The following UNC80 variants were observed in gnomAD, a reference collection of about 807,000 sequenced individuals.
The protein encoded by UNC80 is unc-80 subunit of NALCN channel complex.
UNC80 carries 164 observed loss-of-function variants against 384.6 expected under a neutral mutation model. The observed-to-expected ratio is 0.43, with a 90% CI of 0.38 to 0.49. The LOEUF (loss-of-function observed/expected upper bound fraction) is 0.49. Among genes scored for constraint, UNC80 ranks in the 20% least tolerant of loss-of-function variants. The probability of loss-of-function intolerance (pLI) is 0.00; values close to 1 mark genes in which losing one functional copy is unlikely to be tolerated. For missense variants in UNC80, 3,330 were observed against 4,143.0 expected (o/e 0.80, Z 5.39); for synonymous variants, 1,486 against 1,527.8 (o/e 0.97, Z 0.64).
At chr2:209,825,789 T>C in intron 13 of UNC80, 118 bp from the exon 14 acceptor site, 1 of 912,126 alleles carries the variant, frequency 1.1e-6, no homozygotes, top group Non-Finnish European at 1.5e-6. Flanking sequence ...TTTTCCAAAT[T>C]GCAGGTGCTC....
intron 7 of UNC80, chr2:209,808,831 C>T: frequency 1.7e-5 from 1 of 59,370 alleles, no homozygotes. Context: ...CGTCAGGAAG[C>T]TCCCTGACCC....
chr2:209,807,436 C>G (rs907058996), intron 7 of UNC80, among the ~76,000 whole-genome samples: 1 of 144,524 alleles, frequency 6.9e-6, no homozygotes, highest in Non-Finnish European at 1.5e-5. Flanking sequence ...GCTGTCTCGG[C>G]TCACTGCAAG....
At chr2:209,783,680 T>G (rs1389261821) in intron 4 of UNC80, among the ~76,000 whole-genome samples, 1 of 152,078 alleles carries the variant, frequency 6.6e-6, no homozygotes, top group South Asian at 2.1e-4. Context: ...AAGCCCAGGA[T>G]TTCAGTATAA....
rs981095852 is a variant in UNC80, at chr2:209,842,440, C to G, written c.3448C>G (p.Arg1150Gly). 1 of 1,547,752 alleles carries G rather than the reference C, an allele frequency of 6.5e-7. No homozygotes were observed. The highest frequency in any genetic ancestry group is 1.2e-5 in the South Asian group (1 of 83,820). ...GRDEEENFFK[R>G]LGCHSFDDHL... ...AGATGAAGAGGAGAATTTCTTCAAG[C>G]GTCTTGGTAAATGTCATGCATCCTA... The change falls in exon 21 of 65, where the codon CGT becomes GGT. Residue 1150 changes from arginine to glycine, a missense_variant. Arg to Gly is a moderately radical substitution (Grantham distance 125). Coordinates refer to ENST00000673920, the MANE Select transcript of UNC80 (RefSeq NM_001371986.1).
chr2:209,907,203 G>T (rs73078943), intron 29 of UNC80, among the ~76,000 whole-genome samples: 2,772 of 148,534 alleles, frequency 0.019, 91 homozygotes, highest in African/African-American at 0.064. Flanking sequence ...CATCCATCCA[G>T]CCAGCCAGCC....
intron 28 of UNC80, among the ~76,000 whole-genome samples, chr2:209,897,792 C>T (rs1337130261): frequency 1.3e-5 from 2 of 152,266 alleles, no homozygotes; most frequent in African/African-American, 4.8e-5. Flanking sequence ...TGTGTAAGAA[C>T]AGTGCTATTT....
At chr2:209,950,453 T>A (rs988226017) in intron 47 of UNC80, among the ~76,000 whole-genome samples, 3 of 152,098 alleles carry the variant, frequency 2.0e-5, no homozygotes, top group African/African-American at 7.2e-5. Flanking sequence ...TATCAATAGT[T>A]TTCCCTTTAC....
At chr2:209,904,353 G>T (rs540893094) in intron 28 of UNC80, among the ~76,000 whole-genome samples, 1 of 152,338 alleles carries the variant, frequency 6.6e-6, no homozygotes, top group African/African-American at 2.4e-5. Context: ...TCCCACAGCT[G>T]TCAAAGGTCA....
chr2:209,910,794 G>T (rs1371874152), intron 29 of UNC80, among the ~76,000 whole-genome samples: 3 of 151,388 alleles, frequency 2.0e-5, no homozygotes, highest in Non-Finnish European at 4.4e-5. Flanking sequence ...TAAAATATTT[G>T]CAAAATTTAA....
At chr2:209,916,886 T>C (rs374253067) in intron 31 of UNC80, among the ~76,000 whole-genome samples, 17 of 152,358 alleles carry the variant, frequency 1.1e-4, no homozygotes, top group African/African-American at 4.1e-4. Context: ...TTCTCATATA[T>C]TCTTTTATTT....
At chr2:209,983,011 C>G (rs895370555) in intron 60 of UNC80, 16 of 151,582 alleles carry the variant, frequency 1.1e-4, no homozygotes, top group Middle Eastern at 3.4e-3. Context: ...TGAGTCAAAA[C>G]ATTTATCTTA....
At chr2:209,849,854 AG>A (rs1461639741) in intron 22 of UNC80, among the ~76,000 whole-genome samples, 2 of 152,130 alleles carry the variant, frequency 1.3e-5, no homozygotes, top group Non-Finnish European at 2.9e-5. Context: ...AGACTGACTG[AG>A]TTAAAATCAC....
intron 7 of UNC80, chr2:209,796,314 G>A (rs1574479043): frequency 1.3e-5 from 2 of 152,356 alleles, no homozygotes; most frequent in South Asian, 2.1e-4. Flanking sequence ...ATTGTATCTA[G>A]GAAGTAACTA....
intron 53 of UNC80, 55 bp from the exon 54 acceptor site, chr2:209,970,777 G>A (rs987716654): frequency 7.2e-5 from 110 of 1,523,146 alleles, no homozygotes; most frequent in Non-Finnish European, 8.7e-5. Context: ...CCTTTACTAC[G>A]GTTGCATGAA....
rs1375741052 is a variant in UNC80 at position 209,808,535 on chromosome 2, A to AAAG, written c.939-5043_939-5042insGAA. Among the ~76,000 whole-genome samples the AAAG allele has an allele frequency of 2.0e-5, 3 of 151,600 alleles. No individual in the cohort carries two copies. In the East Asian group the frequency reaches 5.8e-4, roughly 29 times the overall value. On this transcript the variant is annotated intron_variant, in intron 7 of 64. Transcript: ENST00000673920. ...CGATATCGCGCCACTAAAAAAAAAA[A>AAAG]AAAAAAAAGTAAGGCGGGCCCAGGC...
chr2:209,876,143 G>A (rs1232261813), intron 23 of UNC80, among the ~76,000 whole-genome samples: 1 of 152,114 alleles, frequency 6.6e-6, no homozygotes, highest in Admixed American at 6.6e-5. Flanking sequence ...TCAATAGACT[G>A]TAAGCTCGTT....
At chr2:209,782,818 T>G (rs1176062218) in intron 4 of UNC80, among the ~76,000 whole-genome samples, 1 of 152,134 alleles carries the variant, frequency 6.6e-6, no homozygotes, top group Non-Finnish European at 1.5e-5. Context: ...AAATTTAATT[T>G]TATCAGTGAA....
intron 22 of UNC80, among the ~76,000 whole-genome samples, chr2:209,863,892 C>T (rs910316062): frequency 7.2e-5 from 11 of 151,770 alleles, no homozygotes; most frequent in South Asian, 2.1e-4. Flanking sequence ...AGAGACGCTG[C>T]GATCATTTGG....
intron 31 of UNC80, 150 bp from the exon 32 acceptor site, chr2:209,917,627 A>C: frequency 1.2e-6 from 1 of 843,866 alleles, no homozygotes; most frequent in Non-Finnish European, 1.8e-6. Flanking sequence ...GGTGGTACAA[A>C]GAAGGTTTGC....
Sources: allele counts gnomAD v4.1 joint callset (sites outside exome capture counted in the v4.1 genomes callset), GRCh38; gene constraint gnomAD v4.1.1; transcripts MANE v1.5; gene names NCBI Gene and HGNC (gene_info 2026-07-23, HGNC 2026-07-21).